Variants in SNAP91 observed in about 807,000 individuals in gnomAD.
SNAP91 encodes synaptosome associated protein 91, also known as clathrin coat assembly protein AP180.
SNAP91 carries 27 observed loss-of-function variants against 100.3 expected under a neutral mutation model. The observed-to-expected ratio is 0.27, with a 90% CI of 0.20 to 0.37. SNAP91 has a LOEUF of 0.37. Among genes scored for constraint, SNAP91 ranks in the 10% least tolerant of loss-of-function variants. The pLI is 1.00. For synonymous variants in SNAP91, 404 were observed against 398.6 expected (o/e 1.01, Z -0.16); for missense variants, 986 against 1,123.7 (o/e 0.88, Z 1.75).
chr6:83,579,752 G>A (rs771842624), intron 24 of SNAP91, among the ~76,000 whole-genome samples: 11 of 152,102 alleles, frequency 7.2e-5, no homozygotes, highest in Admixed American at 1.3e-4. Context: ...TTTTCCTGCA[G>A]ATGTCCTTCT....
chr6:83,587,535 G>A (rs2092927309), intron 22 of SNAP91, among the ~76,000 whole-genome samples: 1 of 151,702 alleles, frequency 6.6e-6, no homozygotes, highest in African/African-American at 2.4e-5. Flanking sequence ...ATAGACTGTG[G>A]ACTTAGCTGA....
At chr6:83,571,123 T>C (rs1210718129) in intron 26 of SNAP91, among the ~76,000 whole-genome samples, 1 of 151,684 alleles carries the variant, frequency 6.6e-6, no homozygotes, top group African/African-American at 2.4e-5. Context: ...TTTTTTTTTT[T>C]CAGGTGGAGT....
chr6:83,640,248 T>A (rs1291929467), intron 8 of SNAP91, among the ~76,000 whole-genome samples: 1 of 152,168 alleles, frequency 6.6e-6, no homozygotes, highest in African/African-American at 2.4e-5. Flanking sequence ...ACTTCTTAAA[T>A]CGTGTGTATA....
At chr6:83,632,728 T>G (rs904047048) in intron 8 of SNAP91, among the ~76,000 whole-genome samples, 3 of 152,244 alleles carry the variant, frequency 2.0e-5, no homozygotes, top group Non-Finnish European at 4.4e-5. Context: ...CATTGTTTCC[T>G]GAAGTTTTGA....
chr6:83,622,382 A>C (rs2096764080), intron 9 of SNAP91, among the ~76,000 whole-genome samples: 1 of 152,088 alleles, frequency 6.6e-6, no homozygotes, highest in South Asian at 2.1e-4. Context: ...ATTTCAAGGC[A>C]TAATAAGGAC....
chr6:83,556,224 C>A lies in SNAP91; in HGVS notation c.2653G>T (p.Ala885Ser), dbSNP rs556410761. The change falls in exon 29 of 30, where the codon GCC becomes TCC. Residue 885 changes from alanine to serine, a missense_variant. Around this residue, in one of 4 missense-constraint regions of SNAP91, gnomAD observed 71 missense variants for 68.5 expected, o/e 1.04. Coordinates refer to ENST00000369694, the MANE Select transcript of SNAP91 (RefSeq NM_001242792.2). The stretch of plus-strand genomic sequence containing the variant: ...GGAGGTTTCTTGGGACTCTGACTGG[C>A]AGGTGTAGGGCTTGGAGAAAGCTAA... Reference protein sequence around the residue: ...GTQLSPSPTPASQSPKKPPAK... With the variant: ...GTQLSPSPTPSSQSPKKPPAK... 5 of 1,555,918 alleles carry A rather than the reference C, an allele frequency of 3.2e-6. No individual in the cohort carries two copies. Among genetic ancestry groups the A allele is most frequent in the African/African-American group, 2.8e-5 (2 of 72,238 alleles).
At chr6:83,599,398 A>C (rs1425933081) in intron 16 of SNAP91, among the ~76,000 whole-genome samples, 1 of 152,172 alleles carries the variant, frequency 6.6e-6, no homozygotes, top group South Asian at 2.1e-4. Context: ...TATTTTCCTT[A>C]CTTTTTTTCT....
In SNAP91 at chr6:83,593,017, T is replaced by C. The variant is rs1449886452; in HGVS notation, c.1775A>G (p.Asp592Gly). 6.3e-7 allele frequency: 1 copy of C among 1,577,186 alleles called. No homozygotes were observed. Among genetic ancestry groups the C allele is most frequent in the South Asian group, 1.2e-5 (1 of 85,604 alleles). Residue 592 changes from aspartate to glycine, a missense_variant and splice_region_variant, in exon 20 of 30, where the codon GAT (aspartate) becomes GGT (glycine). Transcript: ENST00000369694. The stretch of plus-strand genomic sequence containing the variant: ...CCCTTGTGGTGGAGAGGAGAAAGCA[T>C]CTTCCAAAAGTGAAACAAACCAAAA... ...AAPSIDLFST[D>G]AFSSPPQGAS...
At chr6:83,692,501 C>T (rs1412350135) in intron 2 of SNAP91, among the ~76,000 whole-genome samples, 2 of 135,174 alleles carry the variant, frequency 1.5e-5, no homozygotes, top group East Asian at 2.3e-4. Context: ...GGCAAGATGG[C>T]GAGACTCTGT....
At chr6:83,657,367 A>G (rs911363441) in intron 6 of SNAP91, among the ~76,000 whole-genome samples, 6 of 152,222 alleles carry the variant, frequency 3.9e-5, no homozygotes, top group Non-Finnish European at 8.8e-5. Context: ...ACAAAGGCAC[A>G]TAATTTCTCC....
intron 2 of SNAP91, among the ~76,000 whole-genome samples, chr6:83,685,634 A>G (rs996294378): frequency 1.3e-5 from 2 of 152,062 alleles, no homozygotes; most frequent in African/African-American, 2.4e-5. Context: ...CATGTCTTCA[A>G]CTCTAACCTT....
At chr6:83,628,380 G>A (rs917473752) in intron 8 of SNAP91, among the ~76,000 whole-genome samples, 4 of 151,670 alleles carry the variant, frequency 2.6e-5, no homozygotes, top group Non-Finnish European at 1.5e-5. Context: ...ACCCACTAGT[G>A]GGATTGCTGG....
intron 2 of SNAP91, among the ~76,000 whole-genome samples, chr6:83,700,668 T>A (rs1562737631): frequency 6.6e-6 from 1 of 152,062 alleles, no homozygotes; most frequent in African/African-American, 2.4e-5. Context: ...TCACTCAGGC[T>A]GGAGTACAAT....
intron 2 of SNAP91, among the ~76,000 whole-genome samples, chr6:83,668,365 A>G (rs565530649): frequency 6.6e-6 from 1 of 152,314 alleles, no homozygotes; most frequent in African/African-American, 2.4e-5. Context: ...ATGCTGCTAT[A>G]AAGACACATG....
At chr6:83,644,170 A>G (rs563314913) in intron 7 of SNAP91, among the ~76,000 whole-genome samples, 55 of 152,276 alleles carry the variant, frequency 3.6e-4, no homozygotes, top group African/African-American at 1.3e-3. Context: ...TGAATATCTC[A>G]ATTTCCTTTT....
chr6:83,602,478 G>A (rs1400218102), intron 14 of SNAP91, among the ~76,000 whole-genome samples: 2 of 152,112 alleles, frequency 1.3e-5, no homozygotes, highest in African/African-American at 2.4e-5. Context: ...ATTCAAATAT[G>A]CTTCAATAAT....
At position 83,588,856 on chromosome 6, in the gene SNAP91, A is replaced by G. The variant is rs180799603; in HGVS notation, c.2014+2355T>C. 2.6e-5 allele frequency among the ~76,000 whole-genome samples: 4 copies of G among 152,244 alleles called. No homozygotes were observed. The East Asian group carries it at 7.7e-4, about 29-fold the overall frequency. ...AATGGAGGAGGATCCTGGAGTAGAC[A>G]ATGTGGCTGTGTAGCACTGGAGGTG... On this transcript the variant is annotated intron_variant, in intron 22 of 29. Transcript: ENST00000369694.
intron 19 of SNAP91, 41 bp from the exon 20 acceptor site, chr6:83,593,058 T>C (rs1439096478): frequency 6.5e-7 from 1 of 1,546,614 alleles, no homozygotes; most frequent in South Asian, 1.2e-5. Flanking sequence ...CAGAGGTAAG[T>C]AGTAGAAAGC....
chr6:83,581,907 T>C (rs1829040429), intron 23 of SNAP91, among the ~76,000 whole-genome samples: 1 of 152,226 alleles, frequency 6.6e-6, no homozygotes. Context: ...TAGTACAAAG[T>C]ATCTGTTTTT....
Sources: gnomAD v4.1 joint callset for allele counts (sites outside exome capture counted in the v4.1 genomes callset) on GRCh38, gnomAD v4.1.1 for gene constraint, gnomAD v4.1.1 regional missense constraint, MANE v1.5 for transcripts, NCBI Gene and HGNC (gene_info 2026-07-23, HGNC 2026-07-21) for gene names.